Variants in THSD7A observed in about 807,000 individuals in gnomAD.
THSD7A encodes the protein thrombospondin type-1 domain-containing protein 7A.
A neutral mutation model predicts 231.3 loss-of-function variants in THSD7A; 96 were observed. The observed-to-expected ratio is 0.41, with a 90% CI of 0.35 to 0.49. The LOEUF (loss-of-function observed/expected upper bound fraction) is 0.49, where lower values mean the gene tolerates loss of function less well. Ranked by LOEUF, THSD7A falls within the 20% of genes least tolerant of loss-of-function variation. THSD7A has a pLI of 0.05. For synonymous variants in THSD7A, 940 were observed against 743.3 expected (o/e 1.26, Z -4.30); for missense variants, 2,290 against 2,070.2 (o/e 1.11, Z -2.06).
chr7:11,750,664 C>T (rs982870345), intron 1 of THSD7A, among the ~76,000 whole-genome samples: 2 of 151,916 alleles, frequency 1.3e-5, no homozygotes, highest in Non-Finnish European at 2.9e-5. Flanking sequence ...TACTGGATGG[C>T]CTCAAACTTA....
rs574574979 is a variant in THSD7A, at chr7:11,601,886, C to T, written c.1023-8384G>A. 8.9e-4 allele frequency among the ~76,000 whole-genome samples: 136 copies of T among 152,178 alleles called. 2 individuals carry two copies. The highest frequency in any genetic ancestry group is 8.2e-4 in the Non-Finnish European group (56 of 68,032). On this transcript the variant is annotated intron_variant, in intron 2 of 27. Coordinates refer to ENST00000423059, the MANE Select transcript of THSD7A (RefSeq NM_015204.3). Reference sequence around the variant, plus strand: ...TAGCAGCCTTCAAGAGGTTAGAAAACTTGGCAAAGTTCACACAGAGTAAGC... The same window carrying T: ...TAGCAGCCTTCAAGAGGTTAGAAAATTTGGCAAAGTTCACACAGAGTAAGC...
At chr7:11,433,152 T>A (rs2128291004) in intron 13 of THSD7A, among the ~76,000 whole-genome samples, 1 of 152,150 alleles carries the variant, frequency 6.6e-6, no homozygotes, top group Middle Eastern at 3.4e-3. Flanking sequence ...TAAAGGAATA[T>A]TTCACAGTAG....
chr7:11,458,626 T>C (rs971262610), intron 11 of THSD7A, among the ~76,000 whole-genome samples: 17 of 151,812 alleles, frequency 1.1e-4, no homozygotes, highest in African/African-American at 1.9e-4. Context: ...ACACCAGTAA[T>C]AGGAAATCAA....
chr7:11,470,372 C>A (rs1406291400), intron 8 of THSD7A, among the ~76,000 whole-genome samples: 2 of 151,804 alleles, frequency 1.3e-5, no homozygotes, highest in African/African-American at 4.8e-5. Flanking sequence ...TTCTATGATA[C>A]ATATTTGTAT....
intron 1 of THSD7A, among the ~76,000 whole-genome samples, chr7:11,802,927 T>G (rs759805480): frequency 3.7e-4 from 56 of 152,150 alleles, no homozygotes; most frequent in Admixed American, 6.6e-4. Flanking sequence ...GATCTTAGAC[T>G]CTTGGAAAGA....
intron 1 of THSD7A, among the ~76,000 whole-genome samples, chr7:11,816,014 T>A (rs966377866): frequency 6.6e-6 from 1 of 152,228 alleles, no homozygotes; most frequent in African/African-American, 2.4e-5. Context: ...AAACTGCTTA[T>A]CTTTCAAACT....
chr7:11,738,505 G>A (rs973100712), intron 1 of THSD7A, among the ~76,000 whole-genome samples: 1 of 152,048 alleles, frequency 6.6e-6, no homozygotes, highest in African/African-American at 2.4e-5. Flanking sequence ...GCAGTATGAT[G>A]TAGTTGTTAA....
chr7:11,707,533 T>A (rs1044333646), intron 1 of THSD7A, among the ~76,000 whole-genome samples: 2 of 151,018 alleles, frequency 1.3e-5, no homozygotes, highest in Admixed American at 6.6e-5. Flanking sequence ...TTAGCTAAAA[T>A]CAATACATTC....
chr7:11,794,617 T>C (rs1031635776), intron 1 of THSD7A, among the ~76,000 whole-genome samples: 3 of 152,102 alleles, frequency 2.0e-5, no homozygotes, highest in Non-Finnish European at 4.4e-5. Context: ...TGTACCAGTA[T>C]TTAAGCTTGC....
intron 22 of THSD7A, among the ~76,000 whole-genome samples, chr7:11,404,099 G>C (rs182689299): frequency 3.7e-4 from 57 of 152,080 alleles, no homozygotes; most frequent in Admixed American, 2.0e-3. Flanking sequence ...ATGGGATCCT[G>C]TAATTTTCCT....
At chr7:11,453,598 G>C (rs1785212768) in intron 11 of THSD7A, among the ~76,000 whole-genome samples, 1 of 151,922 alleles carries the variant, frequency 6.6e-6, no homozygotes, top group South Asian at 2.1e-4. Flanking sequence ...GCTAGACGGG[G>C]TAGACCCTAG....
At chr7:11,734,057 C>A (rs1781824697) in intron 1 of THSD7A, among the ~76,000 whole-genome samples, 1 of 151,892 alleles carries the variant, frequency 6.6e-6, no homozygotes, top group Non-Finnish European at 1.5e-5. Context: ...CCCTTGGAGA[C>A]TCCCTTGAGT....
chr7:11,768,589 T>C (rs34067420), intron 1 of THSD7A, among the ~76,000 whole-genome samples: 51,127 of 151,928 alleles, frequency 0.34, 8,997 homozygotes, highest in Middle Eastern at 0.45. Context: ...TCTCCAACTC[T>C]AGTCCATGTG....
chr7:11,587,316 G>A (rs1486871666), intron 4 of THSD7A, among the ~76,000 whole-genome samples: 4 of 152,096 alleles, frequency 2.6e-5, no homozygotes, highest in Non-Finnish European at 1.5e-5. Context: ...AACAAAAACT[G>A]TCAAGGGTTT....
At chr7:11,528,083 T>C (rs1243481734) in intron 6 of THSD7A, among the ~76,000 whole-genome samples, 2 of 151,994 alleles carry the variant, frequency 1.3e-5, no homozygotes, top group East Asian at 3.9e-4. Flanking sequence ...AGGAGGATCA[T>C]TTGAGCCCAG....
intron 13 of THSD7A, among the ~76,000 whole-genome samples, chr7:11,442,751 C>T (rs1784845588): frequency 6.6e-6 from 1 of 151,984 alleles, no homozygotes. Flanking sequence ...TTAGTAAACA[C>T]TAAAATATCA....
chr7:11,480,264 G>A (rs1786369672), intron 7 of THSD7A, among the ~76,000 whole-genome samples: 1 of 152,154 alleles, frequency 6.6e-6, no homozygotes, highest in Admixed American at 6.5e-5. Flanking sequence ...ACCTTTCCGT[G>A]TGAAGCATCA....
At chr7:11,646,395 A>G (rs1782282046) in intron 1 of THSD7A, among the ~76,000 whole-genome samples, 1 of 152,058 alleles carries the variant, frequency 6.6e-6, no homozygotes, top group Admixed American at 6.6e-5. Context: ...TATAATCTCA[A>G]TGGATTTGAA....
chr7:11,390,768 G>C (rs999153504), intron 23 of THSD7A, among the ~76,000 whole-genome samples: 1 of 152,150 alleles, frequency 6.6e-6, no homozygotes, highest in Non-Finnish European at 1.5e-5. Context: ...ACCTTCGGAT[G>C]GGGTCTCTGA....
Sources: gnomAD v4.1 joint callset for allele counts (sites outside exome capture counted in the v4.1 genomes callset) on GRCh38, gnomAD v4.1.1 for gene constraint, MANE v1.5 for transcripts, NCBI Gene and HGNC (gene_info 2026-07-23, HGNC 2026-07-21) for gene names.